The following METTL2B variants were observed in gnomAD, a reference collection of about 807,000 sequenced individuals.
METTL2B encodes methyltransferase 2B, tRNA N3-cytidine, also known as tRNA N(3)-cytidine methyltransferase METTL2B.
In METTL2B, 28 loss-of-function variants were observed where a neutral mutation model predicts 51.0. That is an observed-to-expected ratio of 0.55 (90% confidence interval 0.41 to 0.75). The LOEUF is 0.75. Among genes scored for constraint, METTL2B ranks in the 30% least tolerant of loss-of-function variants. The pLI is 0.00. For synonymous variants in METTL2B, 128 were observed against 166.3 expected (o/e 0.77, Z 1.77); for missense variants, 313 against 460.7 (o/e 0.68, Z 2.93).
rs1157361106 is a variant in METTL2B, at chr7:128,505,813, T to C, written c.*3897T>C. On this transcript the variant is annotated 3_prime_UTR_variant, in exon 9 of 9. Coordinates refer to ENST00000262432, the MANE Select transcript of METTL2B (RefSeq NM_018396.3). ...ACTTGTCTCAATATGGACCCATGGG[T>C]ATTTGAGTTTCTTGTGGGGTTATTT... The C allele has an allele frequency of 6.6e-6, 1 of 152,002 alleles. No individual in the cohort carries two copies. The highest frequency in any genetic ancestry group is 1.5e-5 in the Non-Finnish European group (1 of 68,000). The allele number at this position is 152,002 out of a possible 1,614,324, so 9.4% of individuals were successfully genotyped here.
intron 2 of METTL2B, among the ~76,000 whole-genome samples, 199 bp downstream of exon 2, chr7:128,477,372 G>GT (rs1293068670): frequency 2.6e-5 from 4 of 152,206 alleles, no homozygotes; most frequent in South Asian, 2.1e-4. Flanking sequence ...GTCGTAGAGG[G>GT]TTTTTTTAAT....
intron 4 of METTL2B, among the ~76,000 whole-genome samples, chr7:128,484,693 A>T (rs1161529689): frequency 2.0e-5 from 3 of 151,824 alleles, no homozygotes; most frequent in African/African-American, 4.8e-5. Flanking sequence ...CCCAGTTTCA[A>T]GCGATTCTCC....
intron 5 of METTL2B, 30 bp from the exon 6 acceptor site, chr7:128,493,774 A>G: frequency 1.9e-6 from 3 of 1,588,528 alleles, no homozygotes; most frequent in East Asian, 2.3e-5. Flanking sequence ...AATATTTTCT[A>G]ACTTACTTGT....
Position 128,503,986 on chromosome 7 carries a change from G to T in METTL2B, c.*2070G>T, listed in dbSNP as rs1398148180. ...GCACTCCAGCCTGGGCGACAAGAGCGAAACTGCATCTCAAAAACAAAGATG... is the reference window on the plus strand; with the variant it reads ...GCACTCCAGCCTGGGCGACAAGAGCTAAACTGCATCTCAAAAACAAAGATG... On this transcript the variant is annotated 3_prime_UTR_variant, in exon 9 of 9. Coordinates refer to ENST00000262432, the MANE Select transcript of METTL2B (RefSeq NM_018396.3). The T allele has an allele frequency of 6.6e-6, 1 of 152,110 alleles. No individual in the cohort carries two copies. The highest frequency in any genetic ancestry group is 2.4e-5 in the African/African-American group (1 of 41,438). 9.4% of individuals were successfully genotyped at this position (152,110 alleles called of 1,614,324 possible).
intron 6 of METTL2B, among the ~76,000 whole-genome samples, chr7:128,497,145 G>A (rs1024924454): frequency 2.6e-5 from 4 of 152,236 alleles, no homozygotes; most frequent in African/African-American, 9.6e-5. Flanking sequence ...GACTTCTCAA[G>A]TTATGAAAGC....
At position 128,483,572 on chromosome 7, in the gene METTL2B, C is replaced by T. The variant is rs560574171; in HGVS notation, c.608+2876C>T. Among the ~76,000 whole-genome samples, 18 of 152,332 alleles carry T rather than the reference C, an allele frequency of 1.2e-4. 1 individual carries two copies. The highest frequency in any genetic ancestry group is 4.1e-4 in the African/African-American group (17 of 41,580). ...TCTGCAGTCTTTTTCGAGACAGTCT[C>T]ACTCTGTCACCCAGGCTGGAGTGCA... On this transcript the variant is annotated intron_variant, in intron 4 of 8. Transcript: ENST00000262432.
chr7:128,490,115 CA>C (rs1204734429), intron 5 of METTL2B, among the ~76,000 whole-genome samples: 1 of 152,024 alleles, frequency 6.6e-6, no homozygotes, highest in Non-Finnish European at 1.5e-5. Flanking sequence ...CATTTCAAAA[CA>C]AAAAACCTTT....
intron 7 of METTL2B, among the ~76,000 whole-genome samples, chr7:128,498,828 GTC>G (rs1792973397): frequency 6.6e-6 from 1 of 152,154 alleles, no homozygotes; most frequent in Middle Eastern, 3.4e-3. Context: ...GAGAAACCCT[GTC>G]TCTACTAAAA....
intron 6 of METTL2B, among the ~76,000 whole-genome samples, chr7:128,497,375 C>G (rs932474988): frequency 3.3e-5 from 5 of 152,220 alleles, no homozygotes; most frequent in African/African-American, 1.2e-4. Context: ...CCTAGCAGAA[C>G]CCACTGGATG....
At chr7:128,484,564 T>C (rs1471432979) in intron 4 of METTL2B, among the ~76,000 whole-genome samples, 1 of 152,002 alleles carries the variant, frequency 6.6e-6, no homozygotes, top group Non-Finnish European at 1.5e-5. Context: ...TGTAATACAG[T>C]GGTTTTTTTG....
chr7:128,500,590 C>T (rs1371104983), intron 7 of METTL2B, among the ~76,000 whole-genome samples: 2 of 152,140 alleles, frequency 1.3e-5, no homozygotes, highest in Non-Finnish European at 2.9e-5. Context: ...CCATTGCACC[C>T]AGCCTAGGCA....
intron 4 of METTL2B, among the ~76,000 whole-genome samples, chr7:128,481,747 A>G (rs928757211): frequency 3.3e-5 from 5 of 152,198 alleles, no homozygotes; most frequent in African/African-American, 4.8e-5. Context: ...GGCTCAAGCA[A>G]TCGTCTCACC....
At chr7:128,478,869 GA>G (rs914136889) in intron 2 of METTL2B, among the ~76,000 whole-genome samples, 11 of 151,506 alleles carry the variant, frequency 7.3e-5, no homozygotes, top group Non-Finnish European at 1.3e-4. Flanking sequence ...GTCTCAAAAA[GA>G]AAAAAAAGTC....
At chr7:128,483,689 C>T (rs1009603316) in intron 4 of METTL2B, among the ~76,000 whole-genome samples, 39 of 151,534 alleles carry the variant, frequency 2.6e-4, no homozygotes, top group African/African-American at 8.7e-4. Flanking sequence ...TTACAGGTGC[C>T]CACCACCACG....
rs955861103 is a variant in METTL2B, at chr7:128,505,921, C to G, written c.*4005C>G. On this transcript the variant is annotated 3_prime_UTR_variant, in exon 9 of 9. Coordinates refer to ENST00000262432, the MANE Select transcript of METTL2B (RefSeq NM_018396.3). ...TACTGCTTACTGCAGCCTCGACCTC[C>G]CATGCTCAAGTGATTCTCCCACCCC... 6.6e-6 allele frequency: 1 copy of G among 152,244 alleles called. No homozygotes were observed. The highest frequency in any genetic ancestry group is 1.5e-5 in the Non-Finnish European group (1 of 68,062). The allele number at this position is 152,244 out of a possible 1,614,324, so 9.4% of individuals were successfully genotyped here. A position where few individuals can be genotyped will look rare whatever the true frequency, so the allele number is the denominator to read the frequency against.
chr7:128,495,508 T>C (rs1472078167), intron 6 of METTL2B, among the ~76,000 whole-genome samples: 3 of 152,078 alleles, frequency 2.0e-5, no homozygotes, highest in African/African-American at 7.2e-5. Context: ...TGGAGTGCAG[T>C]GGTGAGATCT....
Position 128,502,565 on chromosome 7 carries a change from TGTG to T in METTL2B, c.*653_*655del, listed in dbSNP as rs569317152. The T allele has an allele frequency of 1.8e-3, 795 of 453,738 alleles. 2 individuals are homozygous for T. The highest frequency in any genetic ancestry group is 2.8e-3 in the Non-Finnish European group (640 of 226,528). 28.1% of individuals were successfully genotyped at this position (453,738 alleles called of 1,614,324 possible). On this transcript the variant is annotated 3_prime_UTR_variant, in exon 9 of 9. Transcript: ENST00000262432. ...AATGACCCTGTAGACAGCATCAAAA[TGTG>T]GTGTTCTTGTTAAGTAATTGATCGT...
At chr7:128,490,397 C>A (rs1180950459) in intron 5 of METTL2B, among the ~76,000 whole-genome samples, 3 of 147,236 alleles carry the variant, frequency 2.0e-5, no homozygotes, top group Non-Finnish European at 4.4e-5. Flanking sequence ...ACAATCATAG[C>A]CCACTGTAGC....
At chr7:128,484,219 T>TTTTTTTTTTTGTTTTG (rs1452000143) in intron 4 of METTL2B, 5 of 58,044 alleles carry the variant, frequency 8.6e-5, no homozygotes, top group African/African-American at 3.3e-4. Flanking sequence ...CCTAGATCCT[T>TTTTTTTTTTTGTTTTG]TTTTTTTTTT....
Sources: allele counts gnomAD v4.1 joint callset (sites outside exome capture counted in the v4.1 genomes callset), GRCh38; gene constraint gnomAD v4.1.1; transcripts MANE v1.5; gene names NCBI Gene and HGNC (gene_info 2026-07-23, HGNC 2026-07-21).